PEAK1: variants seen among roughly 807,000 people sequenced by gnomAD.
The protein encoded by PEAK1 is inactive tyrosine-protein kinase PEAK1.
In PEAK1, 54 loss-of-function variants were observed where a neutral mutation model predicts 124.7. The ratio of observed to expected loss-of-function variants is 0.43; its 90% CI spans 0.35 to 0.54. The LOEUF (loss-of-function observed/expected upper bound fraction) is 0.54. Among genes scored for constraint, PEAK1 ranks in the 20% least tolerant of loss-of-function variants. PEAK1 has a pLI of 0.01. For missense variants in PEAK1, 2,046 were observed against 2,134.5 expected (o/e 0.96, Z 0.82); for synonymous variants, 719 against 760.0 (o/e 0.95, Z 0.89).
intron 6 of PEAK1, among the ~76,000 whole-genome samples, chr15:77,203,855 G>C (rs1302320456): frequency 1.3e-5 from 2 of 152,154 alleles, no homozygotes; most frequent in Non-Finnish European, 2.9e-5. Context: ...GGTGAGTTTA[G>C]TGATGACTTT....
chr15:77,211,159 T>C (rs545640850), intron 6 of PEAK1, among the ~76,000 whole-genome samples: 106 of 152,268 alleles, frequency 7.0e-4, no homozygotes, highest in African/African-American at 2.4e-3. Flanking sequence ...ACTGAGTAGT[T>C]GCAACAGAGA....
chr15:77,323,298 G>C (rs1288653769), intron 2 of PEAK1, among the ~76,000 whole-genome samples: 1 of 151,804 alleles, frequency 6.6e-6, no homozygotes, highest in Non-Finnish European at 1.5e-5. Flanking sequence ...TCAGGCAGGA[G>C]AAGGAAATAA....
chr15:77,115,727 TA>T (rs2152711707), intron 9 of PEAK1, among the ~76,000 whole-genome samples: 1 of 152,346 alleles, frequency 6.6e-6, no homozygotes, highest in Admixed American at 6.5e-5. Flanking sequence ...TAGAGGTTTG[TA>T]GCCCAGAATG....
intron 5 of PEAK1, among the ~76,000 whole-genome samples, chr15:77,259,629 G>A (rs531002750): frequency 6.6e-6 from 1 of 152,136 alleles, no homozygotes; most frequent in Non-Finnish European, 1.5e-5. Context: ...TTCTGACCAT[G>A]AGGGATTAAA....
At position 77,158,658 on chromosome 15, in the gene PEAK1, C is replaced by T. The variant is rs772148262; in HGVS notation, c.3176G>A (p.Arg1059Gln). ...CTTCCCAACAACAGTTCTTGGATCC[C>T]GAGGAGAAAAATCCTCTGTTACTTC... is the stretch of plus-strand genomic sequence containing the variant. ...THEVTEDFSP[R>Q]DPRTVVGKQD... The change falls in exon 8 of 10, where the codon CGG becomes CAG. Residue 1059 changes from arginine to glutamine, a missense_variant. Coordinates refer to ENST00000682557, the MANE Select transcript of PEAK1 (RefSeq NM_001385026.1). The T allele has an allele frequency of 4.3e-6, 7 of 1,613,830 alleles. No individual in the cohort carries two copies. Among genetic ancestry groups the T allele is most frequent in the South Asian group, 1.1e-5 (1 of 91,076 alleles).
At chr15:77,324,306 C>G (rs879693841) in intron 2 of PEAK1, among the ~76,000 whole-genome samples, 1 of 151,976 alleles carries the variant, frequency 6.6e-6, no homozygotes, top group Non-Finnish European at 1.5e-5. Context: ...TGGTGAAACC[C>G]CCATCTCTAC....
Position 77,348,777 on chromosome 15 carries a change from T to C in PEAK1, c.-603+16386A>G, listed in dbSNP as rs538848222. On this transcript the variant is annotated intron_variant, in intron 2 of 9. Transcript: ENST00000682557. ...TGACTAAAACCCGATGATGAATATC[T>C]TTTTTTCTTTTTTGTTTTTGTGGGG... 22 of 983,984 alleles carry C rather than the reference T, an allele frequency of 2.2e-5. No homozygotes were observed. The African/African-American group carries it at 3.9e-4, about 17-fold the overall frequency. 61.0% of individuals were successfully genotyped at this position (983,984 alleles called of 1,614,324 possible). A position where few individuals can be genotyped will look rare whatever the true frequency, so the allele number is the denominator to read the frequency against.
chr15:77,158,389 G>T, intron 8 of PEAK1, 114 bp downstream of exon 8: 3 of 988,206 alleles, frequency 3.0e-6, no homozygotes, highest in Non-Finnish European at 3.0e-6. Flanking sequence ...AACTCCAATG[G>T]TCCAAATTCT....
chr15:77,240,312 CTTG>C (rs1267803186), intron 6 of PEAK1, among the ~76,000 whole-genome samples: 1 of 152,104 alleles, frequency 6.6e-6, no homozygotes, highest in Non-Finnish European at 1.5e-5. Context: ...ATTATTTTCT[CTTG>C]TTTCTTTACA....
intron 5 of PEAK1, among the ~76,000 whole-genome samples, chr15:77,276,267 A>C (rs2062320540): frequency 6.6e-6 from 1 of 152,208 alleles, no homozygotes; most frequent in African/African-American, 2.4e-5. Flanking sequence ...TGTAAACCCC[A>C]AATCAATCCA....
At chr15:77,365,026 A>G (rs2068127598) in intron 2 of PEAK1, 137 bp downstream of exon 2, 1 of 160,652 alleles carries the variant, frequency 6.2e-6, no homozygotes, top group Admixed American at 6.5e-5. Flanking sequence ...AGCATACTCT[A>G]TATGTAGTTT....
intron 2 of PEAK1, among the ~76,000 whole-genome samples, chr15:77,305,288 A>T (rs984723784): frequency 6.6e-6 from 1 of 152,206 alleles, no homozygotes; most frequent in Non-Finnish European, 1.5e-5. Context: ...ATTAGAAATC[A>T]CTAAACAAAT....
chr15:77,306,873 C>A (rs2064135268), intron 2 of PEAK1, among the ~76,000 whole-genome samples: 1 of 152,108 alleles, frequency 6.6e-6, no homozygotes, highest in African/African-American at 2.4e-5. Flanking sequence ...ATTAAATTTG[C>A]TGTCTTTCCA....
intron 5 of PEAK1, among the ~76,000 whole-genome samples, chr15:77,256,973 G>A (rs894937230): frequency 5.3e-5 from 8 of 149,626 alleles, no homozygotes; most frequent in South Asian, 2.1e-4. Context: ...GAGAACATGC[G>A]GTGTTTGGTT....
chr15:77,419,402 C>T (rs192531947), intron 1 of PEAK1: 6 of 985,236 alleles, frequency 6.1e-6, no homozygotes, highest in African/African-American at 1.7e-5. Context: ...AAGAAAAAAA[C>T]TGAGCAGCCG....
intron 2 of PEAK1, among the ~76,000 whole-genome samples, chr15:77,324,607 A>G (rs1370782649): frequency 6.6e-6 from 1 of 152,218 alleles, no homozygotes; most frequent in Non-Finnish European, 1.5e-5. Flanking sequence ...GCTGTAGGCT[A>G]TACAGGAAGC....
intron 2 of PEAK1, among the ~76,000 whole-genome samples, chr15:77,328,809 T>A (rs2065728760): frequency 6.6e-6 from 1 of 152,208 alleles, no homozygotes; most frequent in Admixed American, 6.5e-5. Context: ...AGGAATTATT[T>A]TCACTGAAAC....
chr15:77,335,734 TC>T, intron 2 of PEAK1: 1 of 963,246 alleles, frequency 1.0e-6, no homozygotes, highest in Non-Finnish European at 1.2e-6. Context: ...CAAATAATCC[TC>T]CCACTTCAGC....
chr15:77,196,785 T>C (rs80046675), intron 6 of PEAK1, among the ~76,000 whole-genome samples: 3 of 152,150 alleles, frequency 2.0e-5, no homozygotes, highest in Non-Finnish European at 4.4e-5. Context: ...GAAAATGTGA[T>C]TTTTTGGTAT....
Sources: allele counts gnomAD v4.1 joint callset (sites outside exome capture counted in the v4.1 genomes callset), GRCh38; gene constraint gnomAD v4.1.1; transcripts MANE v1.5; gene names NCBI Gene and HGNC (gene_info 2026-07-23, HGNC 2026-07-21).